Variants in PDZD8 observed in about 807,000 individuals in gnomAD.
PDZD8 encodes the protein PDZ domain containing 8.
Under a neutral mutation model 85.8 loss-of-function variants are expected in PDZD8, and 14 were observed. The observed-to-expected ratio is 0.16, with a 90% CI of 0.11 to 0.26. The LOEUF (loss-of-function observed/expected upper bound fraction) is 0.26. Ranked by LOEUF, PDZD8 falls within the 10% of genes least tolerant of loss-of-function variation. PDZD8 has a pLI of 1.00. For synonymous variants in PDZD8, 592 were observed against 568.6 expected (o/e 1.04, Z -0.59); for missense variants, 1,197 against 1,424.3 (o/e 0.84, Z 2.57).
Position 117,368,147 on chromosome 10 carries a change from C to T in PDZD8, c.872+6209G>A, listed in dbSNP as rs113803815. Among the ~76,000 whole-genome samples, 550 of 152,272 alleles carry T rather than the reference C, an allele frequency of 3.6e-3. 3 individuals are homozygous for T. Among genetic ancestry groups the T allele is most frequent in the African/African-American group, 0.013 (520 of 41,542 alleles). On this transcript the variant is annotated intron_variant, in intron 1 of 4. Transcript: ENST00000334464. ...CCATTTTTATCACGTTTACTATACC[C>T]ACCGCAACACTAGGTAGTATGCACT...
chr10:117,336,290 G>A (rs1196906186), intron 2 of PDZD8, among the ~76,000 whole-genome samples: 1 of 152,134 alleles, frequency 6.6e-6, no homozygotes, highest in Non-Finnish European at 1.5e-5. Flanking sequence ...TTCAGATTAA[G>A]GTTGCTCAAC....
intron 3 of PDZD8, among the ~76,000 whole-genome samples, chr10:117,307,367 A>T (rs932414002): frequency 9.2e-5 from 14 of 152,158 alleles, no homozygotes; most frequent in African/African-American, 3.1e-4. Flanking sequence ...TCATCACAAA[A>T]ATTAAAAATC....
chr10:117,288,314 T>C (rs1407499380), intron 4 of PDZD8, among the ~76,000 whole-genome samples: 1 of 151,882 alleles, frequency 6.6e-6, no homozygotes, highest in Non-Finnish European at 1.5e-5. Context: ...ATAAAGACTA[T>C]TACAAAAATG....
At position 117,374,980 on chromosome 10, in the gene PDZD8, G is replaced by A. The variant is rs751379976; in HGVS notation, c.248C>T (p.Ala83Val). The change falls in exon 1 of 5, where the codon GCC becomes GTC. Residue 83 changes from alanine to valine, a missense_variant. Ala to Val is a moderately conservative substitution (Grantham distance 64). Coordinates refer to ENST00000334464, the MANE Select transcript of PDZD8 (RefSeq NM_173791.5). The surrounding 1 kb of genome is among the most constrained non-coding windows in gnomAD (Gnocchi z 7.8). ...APEGGATPTA[A>V]PETPAPPTRE... Reference sequence around the variant, plus strand: ...CGTCGGCGGGGCGGGGGTCTCGGGGGCCGCGGTGGGGGTCGCGCCGCCCTC... The same window carrying A: ...CGTCGGCGGGGCGGGGGTCTCGGGGACCGCGGTGGGGGTCGCGCCGCCCTC... The A allele has an allele frequency of 1.4e-5, 23 of 1,598,484 alleles. No individual in the cohort carries two copies. The highest frequency in any genetic ancestry group is 4.5e-5 in the South Asian group (4 of 89,834).
At chr10:117,317,532 T>G (rs1472909748) in intron 3 of PDZD8, among the ~76,000 whole-genome samples, 1 of 152,200 alleles carries the variant, frequency 6.6e-6, no homozygotes, top group African/African-American at 2.4e-5. Context: ...GTCTTACCAA[T>G]TTTTGCTATA....
At chr10:117,330,648 C>T (rs1380920505) in intron 2 of PDZD8, among the ~76,000 whole-genome samples, 1 of 152,202 alleles carries the variant, frequency 6.6e-6, no homozygotes, top group African/African-American at 2.4e-5. Context: ...TAAAACATAT[C>T]TATGAGGCAT....
chr10:117,374,591 C>G lies in PDZD8; in HGVS notation c.637G>C (p.Gly213Arg). Residue 213 changes from glycine to arginine, a missense_variant, in exon 1 of 5, where the codon GGC becomes CGC. Transcript: ENST00000334464. This position sits in a 1 kb window ranked among gnomAD's most constrained non-coding sequence, Gnocchi z 7.8. Reference protein sequence around the residue: ...HLAIDVDLVFGKSAYLFVKLS... With the variant: ...HLAIDVDLVFRKSAYLFVKLS... ...TTGACAAACAAGTAGGCGGACTTGC[C>G]GAAGACCAGGTCCACGTCGATGGCC... 3 of 1,592,254 alleles carry G rather than the reference C, an allele frequency of 1.9e-6. No individual in the cohort carries two copies. Among genetic ancestry groups the G allele is most frequent in the Non-Finnish European group, 2.6e-6 (3 of 1,168,954 alleles).
chr10:117,295,880 C>T (rs1029327394), intron 3 of PDZD8, among the ~76,000 whole-genome samples: 1 of 151,786 alleles, frequency 6.6e-6, no homozygotes, highest in African/African-American at 2.4e-5. Context: ...ACAAATAACA[C>T]AAAACTCAAA....
At chr10:117,312,094 C>T (rs1162696346) in intron 3 of PDZD8, among the ~76,000 whole-genome samples, 1 of 152,088 alleles carries the variant, frequency 6.6e-6, no homozygotes, top group Non-Finnish European at 1.5e-5. Flanking sequence ...TCATGGCATA[C>T]AGCAGGGAAG....
intron 1 of PDZD8, among the ~76,000 whole-genome samples, chr10:117,353,771 G>T (rs540423066): frequency 6.7e-6 from 1 of 149,942 alleles, no homozygotes; most frequent in East Asian, 2.0e-4. Context: ...GTGAGGGGGC[G>T]GGGAGTGGCA....
At chr10:117,322,357 C>T (rs1488352265) in intron 2 of PDZD8, among the ~76,000 whole-genome samples, 2 of 152,128 alleles carry the variant, frequency 1.3e-5, no homozygotes, top group African/African-American at 2.4e-5. Context: ...CTGTCTTCCT[C>T]AGGAAGCCCG....
chr10:117,365,655 C>T (rs888611137), intron 1 of PDZD8, among the ~76,000 whole-genome samples: 3 of 152,214 alleles, frequency 2.0e-5, no homozygotes, highest in South Asian at 4.1e-4. Flanking sequence ...ACATTTTTCC[C>T]TAGTACAAAT....
chr10:117,324,787 C>A (rs1844286960), intron 2 of PDZD8, among the ~76,000 whole-genome samples: 1 of 152,080 alleles, frequency 6.6e-6, no homozygotes. Context: ...ATTGCTGATT[C>A]TTCAGTGTTT....
intron 3 of PDZD8, among the ~76,000 whole-genome samples, chr10:117,310,331 A>C (rs2532841): frequency 0.5 from 75,532 of 151,818 alleles, 19,670 homozygotes; most frequent in South Asian, 0.58. Context: ...TACTCACAGT[A>C]CTGTTGCTCT....
At chr10:117,333,118 A>AAAAAAAAAAAC (rs1491310107) in intron 2 of PDZD8, among the ~76,000 whole-genome samples, 1 of 97,548 alleles carries the variant, frequency 1.0e-5, no homozygotes, top group African/African-American at 4.6e-5. Context: ...ACTCTGTCTC[A>AAAAAAAAAAAC]AAAAAAAAAA....
intron 3 of PDZD8, among the ~76,000 whole-genome samples, chr10:117,316,153 C>G (rs1247459054): frequency 6.6e-6 from 1 of 152,164 alleles, no homozygotes; most frequent in Non-Finnish European, 1.5e-5. Flanking sequence ...GAGGAATCTT[C>G]ATTATTTTCA....
intron 3 of PDZD8, among the ~76,000 whole-genome samples, chr10:117,300,256 A>G (rs558035721): frequency 2.0e-5 from 3 of 152,222 alleles, no homozygotes; most frequent in Admixed American, 6.5e-5. Flanking sequence ...GAAAAATGCA[A>G]TATTTTTGTT....
At chr10:117,323,280 C>A (rs570534291) in intron 2 of PDZD8, among the ~76,000 whole-genome samples, 9 of 152,208 alleles carry the variant, frequency 5.9e-5, no homozygotes, top group African/African-American at 2.2e-4. Flanking sequence ...ATAAAAGATT[C>A]ATTGCAAAAA....
Position 117,374,585 on chromosome 10 carries a change from A to C in PDZD8, c.643T>G (p.Ser215Ala). 6.3e-7 allele frequency: 1 copy of C among 1,593,974 alleles called. No homozygotes were observed. Among genetic ancestry groups the C allele is most frequent in the Non-Finnish European group, 8.5e-7 (1 of 1,169,886 alleles). ...GACAGCTTGACAAACAAGTAGGCGG[A>C]CTTGCCGAAGACCAGGTCCACGTCG... is the stretch of plus-strand genomic sequence containing the variant. ...AIDVDLVFGK[S>A]AYLFVKLSRV... The change falls in exon 1 of 5, where the codon TCC becomes GCC. Residue 215 changes from serine to alanine, a missense_variant. Ser to Ala is a moderately conservative substitution (Grantham distance 99, BLOSUM62 1). Around this residue, in one of 4 missense-constraint regions of PDZD8, gnomAD observed 344 missense variants for 453.6 expected, o/e 0.76. Transcript: ENST00000334464. This position sits in a 1 kb window ranked among gnomAD's most constrained non-coding sequence, Gnocchi z 7.8.
Sources: allele counts gnomAD v4.1 joint callset (sites outside exome capture counted in the v4.1 genomes callset), GRCh38; gene constraint gnomAD v4.1.1; regional missense constraint gnomAD v4.1.1; non-coding constraint Gnocchi (gnomAD v3.1); transcripts MANE v1.5; gene names NCBI Gene and HGNC (gene_info 2026-07-23, HGNC 2026-07-21).